The following SSTR1 variants were observed in gnomAD, a reference collection of about 807,000 sequenced individuals.
SSTR1 encodes somatostatin receptor type 1.
SSTR1 carries 10 observed loss-of-function variants against 20.7 expected under a neutral mutation model. That is an observed-to-expected ratio of 0.48 (90% CI 0.30 to 0.82). The LOEUF is 0.82. Among genes scored for constraint, SSTR1 ranks in the 40% least tolerant of loss-of-function variants. The pLI is 0.07. For missense variants in SSTR1, 494 were observed against 540.0 expected (o/e 0.91, Z 0.84); for synonymous variants, 267 against 227.8 (o/e 1.17, Z -1.55).
rs189891605 is a variant in SSTR1, at chr14:38,210,605, G to A, written c.*40G>A. 1,044 of 1,526,962 alleles carry A rather than the reference G, an allele frequency of 6.8e-4. 9 individuals carry two copies. In the Admixed American group the frequency reaches 0.021, roughly 31 times the overall value. 94.6% of individuals were successfully genotyped at this position (1,526,962 alleles called of 1,614,324 possible). On this transcript the variant is annotated 3_prime_UTR_variant, in exon 3 of 3. Coordinates refer to ENST00000267377, the MANE Select transcript of SSTR1 (RefSeq NM_001049.3). ...GGGGCTCTGAGCCCGGGCCACGCAGGGGCCCTGAGCCAAAAGAGGGGGAGA... is the reference window on the plus strand; with the variant it reads ...GGGGCTCTGAGCCCGGGCCACGCAGAGGCCCTGAGCCAAAAGAGGGGGAGA...
Position 38,209,340 on chromosome 14 carries a change from C to T in SSTR1, c.-50C>T. 1 of 1,427,266 alleles carries T rather than the reference C, an allele frequency of 7.0e-7. No homozygotes were observed. Among genetic ancestry groups the T allele is most frequent in the Non-Finnish European group, 9.2e-7 (1 of 1,091,892 alleles). The allele number at this position is 1,427,266 out of a possible 1,614,324, so 88.4% of individuals were successfully genotyped here. Reference sequence around the variant, plus strand: ...AGGGAGGGCGCAGGCGGCGGGTGCGCGAGGAGAAAGCCCCAGCCCTGGCAG... The same window carrying T: ...AGGGAGGGCGCAGGCGGCGGGTGCGTGAGGAGAAAGCCCCAGCCCTGGCAG... On this transcript the variant is annotated 5_prime_UTR_variant, in exon 3 of 3. Coordinates refer to ENST00000267377, the MANE Select transcript of SSTR1 (RefSeq NM_001049.3).
rs139694009 is a variant in SSTR1 at position 38,210,347 on chromosome 14, C to T, written c.958C>T (p.Pro320Ser). The change falls in exon 3 of 3, where the codon CCC becomes TCC. Residue 320 changes from proline to serine, a missense_variant. By Grantham distance (74) the Pro-to-Ser change is moderately conservative. Transcript: ENST00000267377. ...CGGCTATGCCAACAGCTGCGCCAAC[C>T]CCATCCTCTATGGCTTTCTCTCAGA... is the stretch of plus-strand genomic sequence containing the variant. ...ILGYANSCAN[P>S]ILYGFLSDNF... The T allele has an allele frequency of 2.0e-5, 32 of 1,614,120 alleles. No individual in the cohort carries two copies. The highest frequency in any genetic ancestry group is 2.6e-5 in the Non-Finnish European group (31 of 1,180,050).
rs202072014 is a variant in SSTR1 at position 38,209,479 on chromosome 14, C to T, written c.90C>T (p.Pro30=). The T allele has an allele frequency of 1.2e-5, 19 of 1,565,702 alleles. No homozygotes were observed. The highest frequency in any genetic ancestry group is 2.6e-6 in the Non-Finnish European group (3 of 1,155,754). ...SCGEGGGSRG[P]GAGAADGMEE... ...GCGAAGGCGGCGGCAGCAGGGGCCC[C>T]GGGGCCGGCGCTGCGGACGGCATGG... The change falls in exon 3 of 3, where the codon CCC becomes CCT. Residue 30 remains proline, a synonymous_variant. Transcript: ENST00000267377.
Position 38,209,332 on chromosome 14 carries a change from C to T in SSTR1, c.-58C>T, listed in dbSNP as rs948244365. Reference sequence around the variant, plus strand: ...GGGTGGGGAGGGAGGGCGCAGGCGGCGGGTGCGCGAGGAGAAAGCCCCAGC... The same window carrying T: ...GGGTGGGGAGGGAGGGCGCAGGCGGTGGGTGCGCGAGGAGAAAGCCCCAGC... On this transcript the variant is annotated 5_prime_UTR_variant, in exon 3 of 3. Transcript: ENST00000267377. The T allele has an allele frequency of 2.6e-4, 364 of 1,421,644 alleles. No individual in the cohort carries two copies. Among genetic ancestry groups the T allele is most frequent in the Non-Finnish European group, 3.1e-4 (339 of 1,089,362 alleles). 88.1% of individuals were successfully genotyped at this position (1,421,644 alleles called of 1,614,324 possible). A position where few individuals can be genotyped will look rare whatever the true frequency, so the allele number is the denominator to read the frequency against.
rs1328801309 is a variant in SSTR1 at position 38,209,589 on chromosome 14, T to C, written c.200T>C (p.Val67Ala). The C allele has an allele frequency of 6.2e-7, 1 of 1,613,596 alleles. No individual in the cohort carries two copies. Among genetic ancestry groups the C allele is most frequent in the Non-Finnish European group, 8.5e-7 (1 of 1,179,788 alleles). The change falls in exon 3 of 3, where the codon GTG (valine) becomes GCG (alanine). Residue 67 changes from valine (V) to alanine (A), a missense_variant. Coordinates refer to ENST00000267377, the MANE Select transcript of SSTR1 (RefSeq NM_001049.3). The part of the protein sequence containing the change: ...SAILISFIYS[V>A]VCLVGLCGNS... ...ATCCTGATCTCTTTCATCTACTCCG[T>C]GGTGTGCCTGGTGGGGCTGTGTGGG...
rs759519125 is a variant in SSTR1, at chr14:38,210,215, G to T, written c.826G>T (p.Val276Leu). 2 of 1,614,268 alleles carry T rather than the reference G, an allele frequency of 1.2e-6. No individual in the cohort carries two copies. The highest frequency in any genetic ancestry group is 4.5e-5 in the East Asian group (2 of 44,888). Reference protein sequence around the residue: ...ERKITLMVMMVVMVFVICWMP... With the variant: ...ERKITLMVMMLVMVFVICWMP... ...CAAGATCACCTTAATGGTGATGATG[G>T]TGGTGATGGTGTTTGTCATCTGCTG... The change falls in exon 3 of 3, where the codon GTG (valine) becomes TTG (leucine). Residue 276 changes from valine to leucine, a missense_variant. Coordinates refer to ENST00000267377, the MANE Select transcript of SSTR1 (RefSeq NM_001049.3).
chr14:38,209,269 G>T lies in SSTR1; in HGVS notation c.-121G>T. Reference sequence around the variant, plus strand: ...TCCCCGCAGCGGTTGCGCTCTACCCGGAGGCGCTGGGCGGCTGTGGGCTGC... The same window carrying T: ...TCCCCGCAGCGGTTGCGCTCTACCCTGAGGCGCTGGGCGGCTGTGGGCTGC... On this transcript the variant is annotated 5_prime_UTR_variant, in exon 3 of 3. The change creates a premature stop within an existing upstream ORF in the 5' untranslated region. Transcript: ENST00000267377. 8.0e-7 allele frequency: 1 copy of T among 1,252,422 alleles called. No individual in the cohort carries two copies. The highest frequency in any genetic ancestry group is 1.0e-6 in the Non-Finnish European group (1 of 968,740). The allele number at this position is 1,252,422 out of a possible 1,614,324, so 77.6% of individuals were successfully genotyped here.
Position 38,212,623 on chromosome 14 carries a change from C to A in SSTR1, c.*2058C>A, listed in dbSNP as rs1883351921. 6.0e-6 allele frequency: 1 copy of A among 166,858 alleles called. No homozygotes were observed. Among genetic ancestry groups the A allele is most frequent in the South Asian group, 2.1e-4 (1 of 4,830 alleles). 10.3% of individuals were successfully genotyped at this position (166,858 alleles called of 1,614,324 possible). A position where few individuals can be genotyped will look rare whatever the true frequency, so the allele number is the denominator to read the frequency against. On this transcript the variant is annotated 3_prime_UTR_variant, in exon 3 of 3. Coordinates refer to ENST00000267377, the MANE Select transcript of SSTR1 (RefSeq NM_001049.3). ...TATGCTGGCTTGTACATAGTAGGCA[C>A]TAAATACATGTTTGTTGGTTGATTG...
At position 38,207,906 on chromosome 14, in the gene SSTR1, C is replaced by T. The variant is rs1883241636; in HGVS notation, c.-710C>T. 1 of 152,236 alleles carries T rather than the reference C, an allele frequency of 6.6e-6. No individual in the cohort carries two copies. The highest frequency in any genetic ancestry group is 1.9e-4 in the East Asian group (1 of 5,192). The allele number at this position is 152,236 out of a possible 1,614,324, so 9.4% of individuals were successfully genotyped here. On this transcript the variant is annotated 5_prime_UTR_variant, in exon 1 of 3. Coordinates refer to ENST00000267377, the MANE Select transcript of SSTR1 (RefSeq NM_001049.3). ...GTTTGGGCACGTGACCCAGAGCCAGCTCACAAATCAAGCCTCAGAAAGAGC... is the reference window on the plus strand; with the variant it reads ...GTTTGGGCACGTGACCCAGAGCCAGTTCACAAATCAAGCCTCAGAAAGAGC...
rs537784865 is a variant in SSTR1 at position 38,212,029 on chromosome 14, T to C, written c.*1464T>C. The C allele has an allele frequency of 6.0e-6, 1 of 167,116 alleles. No individual in the cohort carries two copies. Among genetic ancestry groups the C allele is most frequent in the East Asian group, 1.9e-4 (1 of 5,170 alleles). The allele number at this position is 167,116 out of a possible 1,614,324, so 10.4% of individuals were successfully genotyped here. ...CTAGCTTTTCTATTTTTGATTGTGT[T>C]GAGTGAAGTTTGGAGATTTTTCATA... On this transcript the variant is annotated 3_prime_UTR_variant, in exon 3 of 3. Coordinates refer to ENST00000267377, the MANE Select transcript of SSTR1 (RefSeq NM_001049.3).
At position 38,209,041 on chromosome 14, in the gene SSTR1, C is replaced by A; in HGVS notation, c.-344-5C>A. 4.2e-6 allele frequency: 1 copy of A among 237,952 alleles called. No homozygotes were observed. The highest frequency in any genetic ancestry group is 8.0e-6 in the Non-Finnish European group (1 of 124,760). 14.7% of individuals were successfully genotyped at this position (237,952 alleles called of 1,614,324 possible). On this transcript the variant is annotated splice_polypyrimidine_tract_variant and splice_region_variant and intron_variant, in intron 2 of 2. Transcript: ENST00000267377. ...CTTTCTCCACCCCACCCCCTTTTTTCGTAGCTGCTGACGCGCTGGTGGTGC... is the reference window on the plus strand; with the variant it reads ...CTTTCTCCACCCCACCCCCTTTTTTAGTAGCTGCTGACGCGCTGGTGGTGC...
chr14:38,210,415 G>T lies in SSTR1; in HGVS notation c.1026G>T (p.Trp342Cys). 2 of 1,614,208 alleles carry T rather than the reference G, an allele frequency of 1.2e-6. No homozygotes were observed. Among genetic ancestry groups the T allele is most frequent in the Non-Finnish European group, 8.5e-7 (1 of 1,180,050 alleles). ...RSFQRILCLS[W>C]MDNAAEEPVD... Reference sequence around the variant, plus strand: ...TCCAACGCATCCTATGCCTCAGCTGGATGGACAACGCCGCGGAGGAGCCGG... The same window carrying T: ...TCCAACGCATCCTATGCCTCAGCTGTATGGACAACGCCGCGGAGGAGCCGG... The change falls in exon 3 of 3, where the codon TGG becomes TGT. Residue 342 changes from tryptophan to cysteine, a missense_variant. By Grantham distance (215) the Trp-to-Cys change is radical. Transcript: ENST00000267377.
rs1205129031 is a variant in SSTR1 at position 38,209,734 on chromosome 14, C to T, written c.345C>T (p.Val115=). ...TCATGCTCAGCGTGCCCTTCCTAGT[C>T]ACCTCCACGTTGTTGCGCCACTGGC... ...ELLMLSVPFL[V]TSTLLRHWPF... The change falls in exon 3 of 3, where the codon GTC becomes GTT. Residue 115 remains valine (V), a synonymous_variant. Coordinates refer to ENST00000267377, the MANE Select transcript of SSTR1 (RefSeq NM_001049.3). 2 of 1,613,912 alleles carry T rather than the reference C, an allele frequency of 1.2e-6. No homozygotes were observed. Among genetic ancestry groups the T allele is most frequent in the Non-Finnish European group, 1.7e-6 (2 of 1,180,038 alleles).
rs1359833386 is a variant in SSTR1, at chr14:38,210,736, A to G, written c.*171A>G. On this transcript the variant is annotated 3_prime_UTR_variant, in exon 3 of 3. Transcript: ENST00000267377. ...TGACAGCCTTTGATGGAGGAACCCA[A>G]GAAAGGCGCGCGACAATGGTAGAAG... The G allele has an allele frequency of 1.4e-6, 2 of 1,414,792 alleles. 1 individual carries two copies. Among genetic ancestry groups the G allele is most frequent in the South Asian group, 3.2e-5 (2 of 62,668 alleles). The allele number at this position is 1,414,792 out of a possible 1,614,324, so 87.6% of individuals were successfully genotyped here.
In SSTR1 at chr14:38,210,167, C is replaced by T. The variant is rs1883298521; in HGVS notation, c.778C>T (p.Gln260Ter). 1 of 1,614,122 alleles carries T rather than the reference C, an allele frequency of 6.2e-7. No homozygotes were observed. ...CATGGTGGCCCTCAAGGCCGGCTGG[C>T]AGCAGCGCAAGCGCTCGGAGCGCAA... ...MRMVALKAGW[Q>*]QRKRSERKIT... The change falls in exon 3 of 3, where the codon CAG becomes TAG. Residue 260 changes from glutamine to a stop codon, truncating the protein, a stop_gained. Transcript: ENST00000267377. LOFTEE classifies it high-confidence loss of function.
At position 38,211,777 on chromosome 14, in the gene SSTR1, G is replaced by C. The variant is rs1253554662; in HGVS notation, c.*1212G>C. 4 of 167,144 alleles carry C rather than the reference G, an allele frequency of 2.4e-5. No individual in the cohort carries two copies. The highest frequency in any genetic ancestry group is 9.6e-5 in the African/African-American group (4 of 41,482). 10.4% of individuals were successfully genotyped at this position (167,144 alleles called of 1,614,324 possible). On this transcript the variant is annotated 3_prime_UTR_variant, in exon 3 of 3. Coordinates refer to ENST00000267377, the MANE Select transcript of SSTR1 (RefSeq NM_001049.3). ...CTAGAGGGTTGCTGCCTTTCAAGCG[G>C]TGCCTAAGAAGTTATTTTCTTGTTT...
rs1049906455 is a variant in SSTR1, at chr14:38,211,379, A to G, written c.*814A>G. On this transcript the variant is annotated 3_prime_UTR_variant, in exon 3 of 3. Transcript: ENST00000267377. Reference sequence around the variant, plus strand: ...AGAACAAGCCGAATGAGGAGTTTTTATAAGATTGCGGGGTCGGAGTGTGGG... The same window carrying G: ...AGAACAAGCCGAATGAGGAGTTTTTGTAAGATTGCGGGGTCGGAGTGTGGG... 1 of 167,070 alleles carries G rather than the reference A, an allele frequency of 6.0e-6. No homozygotes were observed. The highest frequency in any genetic ancestry group is 1.5e-5 in the Non-Finnish European group (1 of 68,132). 10.3% of individuals were successfully genotyped at this position (167,070 alleles called of 1,614,324 possible).
Position 38,208,486 on chromosome 14 carries a change from C to T in SSTR1, c.-468C>T, listed in dbSNP as rs369612471. The T allele has an allele frequency of 3.9e-5, 6 of 152,236 alleles. No homozygotes were observed. Among genetic ancestry groups the T allele is most frequent in the African/African-American group, 1.4e-4 (6 of 41,426 alleles). The allele number at this position is 152,236 out of a possible 1,614,324, so 9.4% of individuals were successfully genotyped here. Reference sequence around the variant, plus strand: ...GATTCTAAGAGTAATTGCGTGGGCACCTGTGCTGGGGCCAGGCGCAAAGAA... The same window carrying T: ...GATTCTAAGAGTAATTGCGTGGGCATCTGTGCTGGGGCCAGGCGCAAAGAA... On this transcript the variant is annotated 5_prime_UTR_variant, in exon 2 of 3. Coordinates refer to ENST00000267377, the MANE Select transcript of SSTR1 (RefSeq NM_001049.3).
Position 38,211,294 on chromosome 14 carries a change from C to T in SSTR1, c.*729C>T, listed in dbSNP as rs1883324265. On this transcript the variant is annotated 3_prime_UTR_variant, in exon 3 of 3. Coordinates refer to ENST00000267377, the MANE Select transcript of SSTR1 (RefSeq NM_001049.3). ...GCTTAGTAAAATAGGTCCCGCGCTTCGAACTCCAGGCTTTCTGGAGTTCCC... is the reference window on the plus strand; with the variant it reads ...GCTTAGTAAAATAGGTCCCGCGCTTTGAACTCCAGGCTTTCTGGAGTTCCC... The T allele has an allele frequency of 6.0e-6, 1 of 166,842 alleles. No homozygotes were observed. Among genetic ancestry groups the T allele is most frequent in the African/African-American group, 2.4e-5 (1 of 41,380 alleles). 10.3% of individuals were successfully genotyped at this position (166,842 alleles called of 1,614,324 possible).
Sources: allele counts gnomAD v4.1 joint callset, GRCh38; gene constraint gnomAD v4.1.1; transcripts MANE v1.5; gene names NCBI Gene and HGNC (gene_info 2026-07-23, HGNC 2026-07-21).